KAT6B: variants seen among roughly 807,000 people sequenced by gnomAD.
KAT6B encodes the protein histone acetyltransferase KAT6B.
Under a neutral mutation model 187.5 loss-of-function variants are expected in KAT6B, and 10 were observed. The observed-to-expected ratio is 0.05, with a 90% CI of 0.03 to 0.09. The LOEUF (loss-of-function observed/expected upper bound fraction) is 0.09. Among genes scored for constraint, KAT6B ranks in the 10% least tolerant of loss-of-function variants. The pLI is 1.00. For synonymous variants in KAT6B, 861 were observed against 926.8 expected (o/e 0.93, Z 1.29); for missense variants, 1,952 against 2,558.9 (o/e 0.76, Z 5.12).
chr10:74,988,447 G>A (rs1002896969), intron 12 of KAT6B, among the ~76,000 whole-genome samples: 1 of 152,082 alleles, frequency 6.6e-6, no homozygotes, highest in African/African-American at 2.4e-5. Context: ...ATTTTATTTT[G>A]TTTTCCTGGT....
At chr10:75,025,295 T>C in intron 17 of KAT6B, 46 bp downstream of exon 17, 1 of 1,599,376 alleles carries the variant, frequency 6.3e-7, no homozygotes, top group Non-Finnish European at 8.5e-7. Context: ...AATGTCTGTA[T>C]CTGACTGGGT....
At chr10:74,857,458 C>T (rs1435822898) in intron 3 of KAT6B, among the ~76,000 whole-genome samples, 5 of 152,182 alleles carry the variant, frequency 3.3e-5, no homozygotes, top group African/African-American at 1.2e-4. Flanking sequence ...GACAGTTTTT[C>T]AGCTTTTAAA....
chr10:75,003,542 C>T (rs1844000820), intron 13 of KAT6B, among the ~76,000 whole-genome samples: 1 of 152,160 alleles, frequency 6.6e-6, no homozygotes, highest in African/African-American at 2.4e-5. Context: ...TATCCTTGGG[C>T]TTTTGCTGGG....
chr10:74,993,313 A>G (rs1843227043), intron 13 of KAT6B, among the ~76,000 whole-genome samples: 1 of 152,236 alleles, frequency 6.6e-6, no homozygotes, highest in African/African-American at 2.4e-5. Context: ...AGCTCTAAGA[A>G]TAATACCAAA....
Position 75,027,204 on chromosome 10 carries a change from A to G in KAT6B, c.3665-1285A>G, listed in dbSNP as rs3824743. On this transcript the variant is annotated intron_variant, in intron 17 of 17. Coordinates refer to ENST00000287239, the MANE Select transcript of KAT6B (RefSeq NM_012330.4). ...CTATTACCTGCCATTGTGAATAGAAATGTCCTGAGATGACTCTTAACTCGG... is the reference window on the plus strand; with the variant it reads ...CTATTACCTGCCATTGTGAATAGAAGTGTCCTGAGATGACTCTTAACTCGG... 3.9e-5 allele frequency among the ~76,000 whole-genome samples: 6 copies of G among 152,336 alleles called. No individual in the cohort carries two copies. In the East Asian group the frequency reaches 1.2e-3, roughly 29 times the overall value.
intron 3 of KAT6B, among the ~76,000 whole-genome samples, chr10:74,926,389 G>A (rs112734529): frequency 7.2e-5 from 11 of 152,250 alleles, no homozygotes; most frequent in African/African-American, 2.7e-4. Context: ...TGGAGGCCTA[G>A]GTTGCAGTGA....
At position 74,975,840 on chromosome 10, in the gene KAT6B, C is replaced by T. The variant is rs199846196; in HGVS notation, c.1503C>T (p.Ser501=). The T allele has an allele frequency of 4.6e-5, 74 of 1,614,158 alleles. No homozygotes were observed. Among genetic ancestry groups the T allele is most frequent in the African/African-American group, 8.0e-5 (6 of 75,022 alleles). ...CACTTCCACCCCCAACCCCCATCTC[C>T]GGTCAGAGCCCCAGTTCACAAAAGT... ...PSSLPPPTPI[S]GQSPSSQKSS... Residue 501 remains serine, a synonymous_variant, in exon 8 of 18, where the codon TCC becomes TCT. Coordinates refer to ENST00000287239, the MANE Select transcript of KAT6B (RefSeq NM_012330.4).
intron 3 of KAT6B, among the ~76,000 whole-genome samples, chr10:74,861,774 TGAGAA>T (rs1843207389): frequency 6.6e-6 from 1 of 152,232 alleles, no homozygotes; most frequent in Non-Finnish European, 1.5e-5. Context: ...TAGACGTCAC[TGAGAA>T]GATTGTTAAA....
rs183085742 is a variant in KAT6B, at chr10:74,946,977, A to G, written c.622-12993A>G. On this transcript the variant is annotated intron_variant, in intron 3 of 17. Coordinates refer to ENST00000287239, the MANE Select transcript of KAT6B (RefSeq NM_012330.4). ...TTTATGTTATTTATATTTTGCCACA[A>G]TTGAAAAAAAAACTGTTTGTTTGTT... Among the ~76,000 whole-genome samples, 3 of 152,152 alleles carry G rather than the reference A, an allele frequency of 2.0e-5. No homozygotes were observed. In the East Asian group the frequency reaches 5.8e-4, roughly 29 times the overall value.
At chr10:74,977,580 G>C in intron 9 of KAT6B, 143 bp downstream of exon 9, 3 of 1,058,758 alleles carry the variant, frequency 2.8e-6, no homozygotes, top group Non-Finnish European at 4.3e-6. Flanking sequence ...CATTTCTACT[G>C]ACTGTACATT....
At chr10:74,890,396 T>G (rs1845565646) in intron 3 of KAT6B, among the ~76,000 whole-genome samples, 2 of 152,106 alleles carry the variant, frequency 1.3e-5, no homozygotes, top group African/African-American at 4.8e-5. Context: ...CCCATTACTT[T>G]GGGAGGCTGA....
At chr10:74,958,691 G>A (rs534835559) in intron 3 of KAT6B, among the ~76,000 whole-genome samples, 36 of 152,162 alleles carry the variant, frequency 2.4e-4, no homozygotes, top group Non-Finnish European at 3.4e-4. Flanking sequence ...ATTTTCATAC[G>A]AGAGTTAAAG....
intron 3 of KAT6B, among the ~76,000 whole-genome samples, chr10:74,889,101 T>C (rs532462944): frequency 4.6e-4 from 70 of 152,134 alleles, no homozygotes; most frequent in African/African-American, 1.6e-3. Context: ...AAGGATGATA[T>C]GTAAATACGT....
chr10:74,967,052 C>T (rs760908089), intron 4 of KAT6B, among the ~76,000 whole-genome samples: 5 of 150,698 alleles, frequency 3.3e-5, no homozygotes, highest in South Asian at 2.1e-4. Flanking sequence ...ATAGGCTGGG[C>T]GCTGTGGCTC....
At chr10:74,958,117 T>A (rs11001222) in intron 3 of KAT6B, among the ~76,000 whole-genome samples, 4,694 of 152,304 alleles carry the variant, frequency 0.031, 192 homozygotes, top group East Asian at 0.16. Context: ...AATTTGTGAA[T>A]GTTTGGTCAT....
At chr10:74,944,808 CAAAAAAAAA>C (rs58164194) in intron 3 of KAT6B, among the ~76,000 whole-genome samples, 3 of 32,902 alleles carry the variant, frequency 9.1e-5, no homozygotes, top group South Asian at 1.7e-3. Context: ...GACTCCGTCT[CAAAAAAAAA>C]AAAAAAAAAA....
At chr10:74,825,600 G>C, upstream of KAT6B, 1 of 155,002 alleles carries the variant, frequency 6.5e-6, no homozygotes, top group South Asian at 1.6e-4. This position sits in a 1 kb window ranked among gnomAD's most constrained non-coding sequence, Gnocchi z 5.0. Flanking sequence ...ACGAGGCGGA[G>C]GCTGAGGAAG....
At chr10:74,919,242 A>G (rs75595613) in intron 3 of KAT6B, among the ~76,000 whole-genome samples, 1 of 151,582 alleles carries the variant, frequency 6.6e-6, no homozygotes, top group Non-Finnish European at 1.5e-5. Flanking sequence ...ATATATATAT[A>G]TTTTTTTCCT....
chr10:74,883,708 A>G (rs1049353237), intron 3 of KAT6B, among the ~76,000 whole-genome samples: 5 of 152,212 alleles, frequency 3.3e-5, no homozygotes, highest in Non-Finnish European at 5.9e-5. Context: ...TCACAAATAC[A>G]CATTATGAAT....
Sources: gnomAD v4.1 joint callset for allele counts (sites outside exome capture counted in the v4.1 genomes callset) on GRCh38, gnomAD v4.1.1 for gene constraint, Gnocchi (gnomAD v3.1) non-coding constraint, MANE v1.5 for transcripts, NCBI Gene and HGNC (gene_info 2026-07-23, HGNC 2026-07-21) for gene names.